SORCS1: variants seen among roughly 807,000 people sequenced by gnomAD.
SORCS1 encodes VPS10 domain-containing receptor SorCS1.
A neutral mutation model predicts 146.1 loss-of-function variants in SORCS1; 60 were observed. That is an observed-to-expected ratio of 0.41 (90% CI 0.33 to 0.51). The LOEUF (loss-of-function observed/expected upper bound fraction) is 0.51, where lower values mean the gene tolerates loss of function less well. SORCS1 is among the 20% of genes least tolerant of loss of function. The pLI, the probability that SORCS1 is intolerant of heterozygous loss-of-function variation, is 0.21. For synonymous variants in SORCS1, 637 were observed against 584.0 expected (o/e 1.09, Z -1.31); for missense variants, 1,352 against 1,487.6 (o/e 0.91, Z 1.50).
intron 1 of SORCS1, among the ~76,000 whole-genome samples, chr10:107,085,894 A>G (rs1379644157): frequency 6.6e-6 from 1 of 152,206 alleles, no homozygotes; most frequent in Non-Finnish European, 1.5e-5. Context: ...TCACAAAGCA[A>G]TTGGAATTTG....
At chr10:106,753,563 T>C (rs547627952) in intron 5 of SORCS1, among the ~76,000 whole-genome samples, 1 of 151,516 alleles carries the variant, frequency 6.6e-6, no homozygotes, top group East Asian at 1.9e-4. Flanking sequence ...TATTCTGGAG[T>C]GTTTTCTGAT....
intron 5 of SORCS1, among the ~76,000 whole-genome samples, chr10:106,735,873 G>A (rs770069618): frequency 5.3e-5 from 8 of 152,124 alleles, no homozygotes; most frequent in South Asian, 4.1e-4. Context: ...CGCTATTGAG[G>A]GAGTATGAGG....
intron 14 of SORCS1, among the ~76,000 whole-genome samples, chr10:106,674,211 C>T (rs1194963286): frequency 6.7e-6 from 1 of 149,822 alleles, no homozygotes; most frequent in East Asian, 2.0e-4. Flanking sequence ...CACCTGTAGT[C>T]CTAGCTACTC....
At chr10:107,077,077 T>C (rs981102638) in intron 1 of SORCS1, among the ~76,000 whole-genome samples, 1 of 152,104 alleles carries the variant, frequency 6.6e-6, no homozygotes, top group African/African-American at 2.4e-5. Flanking sequence ...TCACAACCAA[T>C]CACTTTTATC....
At chr10:106,830,707 C>A (rs1948506243) in intron 2 of SORCS1, among the ~76,000 whole-genome samples, 1 of 151,700 alleles carries the variant, frequency 6.6e-6, no homozygotes, top group African/African-American at 2.4e-5. Flanking sequence ...ACAAGCCTGG[C>A]CAACGTTGCG....
intron 1 of SORCS1, among the ~76,000 whole-genome samples, chr10:107,065,821 G>A (rs1261000671): frequency 6.6e-6 from 1 of 151,888 alleles, no homozygotes; most frequent in African/African-American, 2.4e-5. Flanking sequence ...CCCAGCCCTA[G>A]GCTGAACATT....
chr10:106,917,806 G>A (rs1013064736), intron 2 of SORCS1, among the ~76,000 whole-genome samples: 1 of 152,198 alleles, frequency 6.6e-6, no homozygotes, highest in Non-Finnish European at 1.5e-5. Flanking sequence ...GACTCTGAGA[G>A]AAATTGTTCC....
intron 10 of SORCS1, among the ~76,000 whole-genome samples, chr10:106,681,357 T>C (rs553838280): frequency 6.6e-6 from 1 of 152,338 alleles, no homozygotes; most frequent in African/African-American, 2.4e-5. Flanking sequence ...TCTTGTATTA[T>C]CTATTTCAGG....
At chr10:106,642,732 A>G (rs1849155640) in intron 18 of SORCS1, among the ~76,000 whole-genome samples, 1 of 151,664 alleles carries the variant, frequency 6.6e-6, no homozygotes, top group African/African-American at 2.4e-5. Flanking sequence ...TTTAGAATAG[A>G]TAAACAGTGT....
chr10:106,691,167 T>C (rs2135670785), intron 9 of SORCS1, among the ~76,000 whole-genome samples: 2 of 152,302 alleles, frequency 1.3e-5, no homozygotes, highest in Middle Eastern at 3.4e-3. Flanking sequence ...CCATACTGCA[T>C]GCATATTTAT....
At chr10:106,898,475 G>A (rs879334097) in intron 2 of SORCS1, among the ~76,000 whole-genome samples, 32 of 152,144 alleles carry the variant, frequency 2.1e-4, no homozygotes, top group African/African-American at 4.6e-4. Flanking sequence ...GTTTACTCAC[G>A]AAAAGAGAAC....
intron 1 of SORCS1, among the ~76,000 whole-genome samples, chr10:107,127,005 C>T (rs184217692): frequency 6.6e-6 from 1 of 152,122 alleles, no homozygotes; most frequent in Non-Finnish European, 1.5e-5. Context: ...CTCACTTGAG[C>T]CCAGCAGTGG....
At chr10:107,028,134 T>C (rs1958489132) in intron 1 of SORCS1, among the ~76,000 whole-genome samples, 1 of 152,230 alleles carries the variant, frequency 6.6e-6, no homozygotes, top group South Asian at 2.1e-4. Flanking sequence ...AAGGAGGTGC[T>C]TTCTAGCTTA....
chr10:106,897,238 T>G (rs1359570683), intron 2 of SORCS1, among the ~76,000 whole-genome samples: 8 of 152,020 alleles, frequency 5.3e-5, no homozygotes, highest in Non-Finnish European at 4.4e-5. Flanking sequence ...TGGAGTGCAG[T>G]GGTGTCATCA....
chr10:106,940,404 A>G (rs1472158979), intron 2 of SORCS1, among the ~76,000 whole-genome samples: 1 of 152,214 alleles, frequency 6.6e-6, no homozygotes, highest in African/African-American at 2.4e-5. Context: ...GGTGTTGGGT[A>G]TACAAAAATG....
At chr10:106,656,772 C>A (rs1850328192) in intron 17 of SORCS1, among the ~76,000 whole-genome samples, 1 of 151,758 alleles carries the variant, frequency 6.6e-6, no homozygotes, top group South Asian at 2.1e-4. Context: ...CCCCGTCTAC[C>A]CTTTGGAATT....
intron 1 of SORCS1, among the ~76,000 whole-genome samples, chr10:107,124,550 G>A (rs1026560039): frequency 1.4e-4 from 21 of 152,122 alleles, no homozygotes; most frequent in African/African-American, 4.8e-4. Context: ...GAAGGTAAAC[G>A]AACCATTAAT....
intron 1 of SORCS1, among the ~76,000 whole-genome samples, chr10:107,000,288 T>C (rs893641858): frequency 3.9e-5 from 6 of 152,180 alleles, no homozygotes; most frequent in Non-Finnish European, 8.8e-5. Flanking sequence ...GGCTGAAATG[T>C]TGGGAAGATT....
chr10:106,775,423 T>C (rs1013323330), intron 4 of SORCS1, among the ~76,000 whole-genome samples: 3 of 152,204 alleles, frequency 2.0e-5, no homozygotes, highest in Non-Finnish European at 4.4e-5. Flanking sequence ...GTGCATTTTA[T>C]TTGGCAGTAG....
Sources: allele counts gnomAD v4.1 joint callset (sites outside exome capture counted in the v4.1 genomes callset), GRCh38; gene constraint gnomAD v4.1.1; transcripts MANE v1.5; gene names NCBI Gene and HGNC (gene_info 2026-07-23, HGNC 2026-07-21).